Variants in BMP5 observed in about 807,000 individuals in gnomAD.
BMP5 encodes bone morphogenetic protein 5.
BMP5 carries 23 observed loss-of-function variants against 46.6 expected under a neutral mutation model. That is an observed-to-expected ratio of 0.49 (90% CI 0.35 to 0.70). BMP5 has a LOEUF of 0.70. Ranked by LOEUF, BMP5 falls within the 30% of genes least tolerant of loss-of-function variation. The probability of loss-of-function intolerance (pLI) is 0.00; values close to 1 mark genes in which losing one functional copy is unlikely to be tolerated. For missense variants in BMP5, 545 were observed against 565.6 expected (o/e 0.96, Z 0.37); for synonymous variants, 204 against 191.9 (o/e 1.06, Z -0.52).
At chr6:55,855,314 G>A (rs1582123268) in intron 1 of BMP5, among the ~76,000 whole-genome samples, 2 of 151,842 alleles carry the variant, frequency 1.3e-5, no homozygotes, top group African/African-American at 4.8e-5. Flanking sequence ...GAGCCCAGAT[G>A]GTCAAAGCTG....
chr6:55,773,024 G>A lies in BMP5; in HGVS notation c.1027+1025C>T, dbSNP rs557036749. 22 of 631,094 alleles carry A rather than the reference G, an allele frequency of 3.5e-5. No homozygotes were observed. The South Asian group carries it at 1.5e-3, about 44-fold the overall frequency. The allele number at this position is 631,094 out of a possible 1,614,324, so 39.1% of individuals were successfully genotyped here. A position where few individuals can be genotyped will look rare whatever the true frequency, so the allele number is the denominator to read the frequency against. ...ATGACCTGTCATTTTCAAGTAACCT[G>A]AGAAAAATGAAGATTTTAGGAATAA... On this transcript the variant is annotated intron_variant, in intron 4 of 6. Coordinates refer to ENST00000370830, the MANE Select transcript of BMP5 (RefSeq NM_021073.4).
chr6:55,774,395 G>A, intron 3 of BMP5, 152 bp from the exon 4 acceptor site: 2 of 719,738 alleles, frequency 2.8e-6, no homozygotes, highest in South Asian at 1.7e-5. Context: ...AAATATTGAG[G>A]CTTACTATTA....
chr6:55,765,479 T>C (rs1402723059), intron 4 of BMP5, among the ~76,000 whole-genome samples: 5 of 152,134 alleles, frequency 3.3e-5, no homozygotes, highest in Admixed American at 3.3e-4. Context: ...GACCTTAATT[T>C]ATTTATAAAA....
rs1194635129 is a variant in BMP5, at chr6:55,755,195, TTC to T, written c.*336_*337del. 1 of 169,024 alleles carries T rather than the reference TTC, an allele frequency of 5.9e-6. No homozygotes were observed. Among genetic ancestry groups the T allele is most frequent in the African/African-American group, 2.4e-5 (1 of 41,632 alleles). The allele number at this position is 169,024 out of a possible 1,614,324, so 10.5% of individuals were successfully genotyped here. On this transcript the variant is annotated 3_prime_UTR_variant, in exon 7 of 7. Transcript: ENST00000370830. ...CCACAATATTAAACAGTCAAAGGAG[TTC>T]TGTCTAATCTCAGAAAATTATGTAA...
chr6:55,773,681 G>A (rs1435579934), intron 4 of BMP5, among the ~76,000 whole-genome samples: 1 of 151,920 alleles, frequency 6.6e-6, no homozygotes, highest in African/African-American at 2.4e-5. Flanking sequence ...ACGAAAGAAA[G>A]GATTTTACAT....
intron 1 of BMP5, among the ~76,000 whole-genome samples, chr6:55,851,935 G>T (rs1777253387): frequency 6.6e-6 from 1 of 152,134 alleles, no homozygotes; most frequent in South Asian, 2.1e-4. Context: ...GAATGACTCT[G>T]CAAGAAAGTT....
chr6:55,875,000 T>C lies in BMP5; in HGVS notation c.-135A>G, dbSNP rs771572685. On this transcript the variant is annotated 5_prime_UTR_variant, in exon 1 of 7. An upstream start codon of the reference 5' UTR is lost. Transcript: ENST00000370830. ...TTACCTATTTTTCATGACAGTGACATTTCTGAGCACAACATCCTCACCGAT... is the reference window on the plus strand; with the variant it reads ...TTACCTATTTTTCATGACAGTGACACTTCTGAGCACAACATCCTCACCGAT... The C allele has an allele frequency of 2.2e-4, 215 of 994,830 alleles. No individual in the cohort carries two copies. The highest frequency in any genetic ancestry group is 2.9e-4 in the Non-Finnish European group (198 of 672,038). 61.6% of individuals were successfully genotyped at this position (994,830 alleles called of 1,614,324 possible).
At chr6:55,842,482 G>C (rs1290743068) in intron 1 of BMP5, among the ~76,000 whole-genome samples, 2 of 152,106 alleles carry the variant, frequency 1.3e-5, no homozygotes, top group Admixed American at 6.6e-5. Context: ...AGGTTTACAA[G>C]GAAAGCTCAG....
chr6:55,768,931 G>A (rs776351576), intron 4 of BMP5, among the ~76,000 whole-genome samples: 9 of 151,912 alleles, frequency 5.9e-5, no homozygotes, highest in Non-Finnish European at 1.0e-4. Context: ...TTATACTACA[G>A]TCAATTAAGT....
chr6:55,839,155 T>G (rs1776891913), intron 1 of BMP5, among the ~76,000 whole-genome samples: 1 of 152,202 alleles, frequency 6.6e-6, no homozygotes, highest in African/African-American at 2.4e-5. Context: ...TGCATAAGTC[T>G]ATTGATGAAT....
chr6:55,835,262 C>T (rs950208906), intron 1 of BMP5, among the ~76,000 whole-genome samples: 5 of 151,922 alleles, frequency 3.3e-5, no homozygotes, highest in African/African-American at 1.2e-4. Flanking sequence ...ATTTTTCCCA[C>T]CAAATTCTCA....
chr6:55,775,406 A>T (rs960179835), intron 3 of BMP5, among the ~76,000 whole-genome samples: 1 of 151,906 alleles, frequency 6.6e-6, no homozygotes, highest in Admixed American at 6.6e-5. Context: ...ATTATATTTT[A>T]TATATATGTG....
intron 4 of BMP5, among the ~76,000 whole-genome samples, chr6:55,771,768 C>A (rs1775052233): frequency 1.3e-5 from 2 of 151,856 alleles, no homozygotes; most frequent in South Asian, 2.1e-4. Flanking sequence ...GGCAAACAGG[C>A]AATACAACTT....
rs1395913817 is a variant in BMP5, at chr6:55,816,840, CTGTAAAGCCTT to C, written c.683+2804_683+2814del. On this transcript the variant is annotated intron_variant, in intron 2 of 6. Coordinates refer to ENST00000370830, the MANE Select transcript of BMP5 (RefSeq NM_021073.4). Reference sequence around the variant, plus strand: ...GTGTGTGTGTGTGTGTGTGTTGTCACTGTAAAGCCTTTGTAAGACTTTAATATCCAGAATCT... The same window carrying C: ...GTGTGTGTGTGTGTGTGTGTTGTCACTGTAAGACTTTAATATCCAGAATCT... Among the ~76,000 whole-genome samples the C allele has an allele frequency of 2.6e-5, 4 of 151,584 alleles. No individual in the cohort carries two copies. The Middle Eastern group carries it at 0.01, about 389-fold the overall frequency.
chr6:55,757,009 G>A (rs1774624501), intron 6 of BMP5, among the ~76,000 whole-genome samples: 2 of 151,854 alleles, frequency 1.3e-5, no homozygotes, highest in African/African-American at 4.8e-5. Flanking sequence ...CAAACTTCAC[G>A]TGTATGCTCC....
At chr6:55,809,962 A>G (rs372150118) in intron 2 of BMP5, among the ~76,000 whole-genome samples, 10 of 152,168 alleles carry the variant, frequency 6.6e-5, no homozygotes, top group African/African-American at 1.9e-4. Flanking sequence ...ATCAAGTCCA[A>G]TAAAAATATA....
At chr6:55,764,689 T>A (rs1296724390) in intron 4 of BMP5, among the ~76,000 whole-genome samples, 14 of 140,826 alleles carry the variant, frequency 9.9e-5, no homozygotes, top group Admixed American at 9.2e-4. Flanking sequence ...GAGAGACAAA[T>A]AACCCCTGTT....
chr6:55,781,269 TC>T (rs1358331955), intron 3 of BMP5, among the ~76,000 whole-genome samples: 3 of 152,136 alleles, frequency 2.0e-5, no homozygotes, highest in Admixed American at 1.3e-4. Context: ...CTTCTTCTTC[TC>T]CAGTTATTAT....
rs16887228 is a variant in BMP5 at position 55,833,197 on chromosome 6, A to G, written c.491-13350T>C. Among the ~76,000 whole-genome samples the G allele has an allele frequency of 3.5e-3, 540 of 152,296 alleles. 2 individuals are homozygous for G. Among genetic ancestry groups the G allele is most frequent in the African/African-American group, 0.012 (491 of 41,576 alleles). ...ATTTTCAGTAATCTGCATGGCATTG[A>G]CCACAGTACAGGATGTTTAGACTCT... On this transcript the variant is annotated intron_variant, in intron 1 of 6. Transcript: ENST00000370830.
Sources: gnomAD v4.1 joint callset for allele counts (sites outside exome capture counted in the v4.1 genomes callset) on GRCh38, gnomAD v4.1.1 for gene constraint, MANE v1.5 for transcripts, NCBI Gene and HGNC (gene_info 2026-07-23, HGNC 2026-07-21) for gene names.